WWC2: variants seen among roughly 807,000 people sequenced by gnomAD.
The protein encoded by WWC2 is WW and C2 domain containing 2.
A neutral mutation model predicts 138.5 loss-of-function variants in WWC2; 101 were observed. The observed-to-expected ratio is 0.73, with a 90% CI of 0.62 to 0.86. WWC2 has a LOEUF of 0.86. Ranked by LOEUF, WWC2 falls within the 40% of genes least tolerant of loss-of-function variation. The probability of loss-of-function intolerance (pLI) is 0.00; values close to 1 mark genes in which losing one functional copy is unlikely to be tolerated. For missense variants in WWC2, 1,420 were observed against 1,419.4 expected, an observed-to-expected ratio of 1.00 and a Z score of -0.01; for synonymous variants, 558 against 538.4, an observed-to-expected ratio of 1.04 and a Z score of -0.50.
chr4:183,317,532 G>A lies in WWC2; in HGVS notation c.*1803G>A, dbSNP rs992843877. 7 of 152,598 alleles carry A rather than the reference G, an allele frequency of 4.6e-5. No homozygotes were observed. The highest frequency in any genetic ancestry group is 1.0e-4 in the Non-Finnish European group (7 of 68,012). The allele number at this position is 152,598 out of a possible 1,614,324, so 9.5% of individuals were successfully genotyped here. On this transcript the variant is annotated 3_prime_UTR_variant, in exon 23 of 23. Coordinates refer to ENST00000403733, the MANE Select transcript of WWC2 (RefSeq NM_024949.6). ...TTGTCAAGGTCAAATGTGAAAGACA[G>A]AAGTTTATTTAATGTAGAGGTAAAT...
At chr4:183,117,961 C>T (rs910270444) in intron 1 of WWC2, among the ~76,000 whole-genome samples, 9 of 138,670 alleles carry the variant, frequency 6.5e-5, no homozygotes, top group Admixed American at 2.9e-4. Context: ...CCACCATGCT[C>T]GGCTAATTTT....
At chr4:183,301,142 A>G (rs1354880345) in intron 21 of WWC2, among the ~76,000 whole-genome samples, 2 of 152,170 alleles carry the variant, frequency 1.3e-5, no homozygotes, top group Non-Finnish European at 2.9e-5. Context: ...AATTTTTAGT[A>G]TATTTACTAA....
At chr4:183,113,563 T>G (rs1732319078) in intron 1 of WWC2, among the ~76,000 whole-genome samples, 1 of 151,480 alleles carries the variant, frequency 6.6e-6, no homozygotes, top group African/African-American at 2.4e-5. Context: ...ATGATCTTAC[T>G]CATTTTTGTT....
chr4:183,247,652 A>ATACTATATATACTATATATACTATG, intron 6 of WWC2, among the ~76,000 whole-genome samples: 1 of 140,738 alleles, frequency 7.1e-6, no homozygotes, highest in East Asian at 2.0e-4. Flanking sequence ...TATATACTAT[A>ATACTATATATACTATATATACTATG]TACTATATAT....
At chr4:183,181,899 TA>T (rs1734643702) in intron 1 of WWC2, among the ~76,000 whole-genome samples, 3 of 152,230 alleles carry the variant, frequency 2.0e-5, no homozygotes, top group Admixed American at 6.5e-5. Flanking sequence ...TTATTTTCTG[TA>T]TTCTTCATAA....
chr4:183,209,413 A>G (rs997984788), intron 4 of WWC2, among the ~76,000 whole-genome samples: 3 of 152,144 alleles, frequency 2.0e-5, no homozygotes, highest in Non-Finnish European at 2.9e-5. Context: ...TTTTTAGTAG[A>G]GATGGGGTTT....
At chr4:183,212,049 C>T (rs1470951275) in intron 4 of WWC2, among the ~76,000 whole-genome samples, 2 of 152,088 alleles carry the variant, frequency 1.3e-5, no homozygotes, top group African/African-American at 4.8e-5. Flanking sequence ...TTTCGAACAC[C>T]TGACCTCATA....
rs746068095 is a variant in WWC2 at position 183,260,951 on chromosome 4, T to A, written c.1328T>A (p.Leu443Gln). ...STLSMSSGSS[L>Q]GSLASSRGSL... Reference sequence around the variant, plus strand: ...CTGTCCATGTCATCTGGGAGCAGCCTGGGTTCCCTGGCATCGAGTCGGGGC... The same window carrying A: ...CTGTCCATGTCATCTGGGAGCAGCCAGGGTTCCCTGGCATCGAGTCGGGGC... The change falls in exon 11 of 23, where the codon CTG (leucine) becomes CAG (glutamine). Residue 443 changes from leucine to glutamine, a missense_variant. Transcript: ENST00000403733. 6.2e-7 allele frequency: 1 copy of A among 1,613,908 alleles called. No individual in the cohort carries two copies. Among genetic ancestry groups the A allele is most frequent in the Admixed American group, 1.7e-5 (1 of 60,022 alleles).
In WWC2 at chr4:183,265,688, A is replaced by G. The variant is rs1737477965; in HGVS notation, c.2040A>G (p.Gln680=). 1.9e-6 allele frequency: 3 copies of G among 1,609,090 alleles called. No homozygotes were observed. The highest frequency in any genetic ancestry group is 2.5e-6 in the Non-Finnish European group (3 of 1,177,712). The part of the protein sequence containing the change: ...DSGVYEAFVK[Q]PSEMEDVTYS... ...GTTCATCTACTCCCTGTCCATATAG[A>G]CCTAGTGAAATGGAAGATGTCACAT... The change falls in exon 13 of 23, where the codon CAA becomes CAG. Residue 680 remains glutamine (Q), a splice_region_variant and synonymous_variant. Coordinates refer to ENST00000403733, the MANE Select transcript of WWC2 (RefSeq NM_024949.6).
At position 183,282,646 on chromosome 4, in the gene WWC2, A is replaced by T. The variant is rs576327961; in HGVS notation, c.2685-62A>T. 8.2e-6 allele frequency: 12 copies of T among 1,467,396 alleles called. No individual in the cohort carries two copies. The South Asian group carries it at 9.7e-5, about 12-fold the overall frequency. 90.9% of individuals were successfully genotyped at this position (1,467,396 alleles called of 1,614,324 possible). On this transcript the variant is annotated intron_variant, in intron 17 of 22. Coordinates refer to ENST00000403733, the MANE Select transcript of WWC2 (RefSeq NM_024949.6). ...TCCCAGATAACAACTTAGCATGCCC[A>T]GGTTGCGTGTTCATGGAGCATGCCT...
chr4:183,139,044 G>T (rs1351052998), intron 1 of WWC2, among the ~76,000 whole-genome samples: 1 of 152,164 alleles, frequency 6.6e-6, no homozygotes, highest in African/African-American at 2.4e-5. Context: ...GTCGATTGTA[G>T]TGGAGGTTTG....
intron 1 of WWC2, among the ~76,000 whole-genome samples, chr4:183,189,264 G>A (rs976293717): frequency 2.0e-5 from 3 of 151,368 alleles, no homozygotes; most frequent in Admixed American, 6.6e-5. Flanking sequence ...GTGAAACCCC[G>A]TCTCTACTAA....
intron 4 of WWC2, among the ~76,000 whole-genome samples, chr4:183,236,988 A>C (rs1736446572): frequency 6.6e-6 from 1 of 152,168 alleles, no homozygotes; most frequent in African/African-American, 2.4e-5. Flanking sequence ...GCCACATTTA[A>C]AGAAGAATTG....
chr4:183,192,809 T>A (rs1735026026), intron 1 of WWC2, among the ~76,000 whole-genome samples: 1 of 151,944 alleles, frequency 6.6e-6, no homozygotes, highest in South Asian at 2.1e-4. Flanking sequence ...CCATGGCCGC[T>A]CCAGTAGCCA....
chr4:183,142,656 G>A (rs1733335865), intron 1 of WWC2, among the ~76,000 whole-genome samples: 1 of 152,200 alleles, frequency 6.6e-6, no homozygotes, highest in Admixed American at 6.5e-5. Flanking sequence ...TTCAAATGGT[G>A]GTTTGGGGAG....
chr4:183,269,188 A>G, intron 15 of WWC2, 25 bp downstream of exon 15: 1 of 1,522,016 alleles, frequency 6.6e-7, no homozygotes, highest in Non-Finnish European at 8.8e-7. Flanking sequence ...AATTCCCATT[A>G]CCAAATAGCA....
At chr4:183,116,014 GTA>G (rs1455890911) in intron 1 of WWC2, among the ~76,000 whole-genome samples, 1 of 152,110 alleles carries the variant, frequency 6.6e-6, no homozygotes, top group South Asian at 2.1e-4. Flanking sequence ...GTTGACTTTT[GTA>G]TATGGTGTAG....
intron 2 of WWC2, among the ~76,000 whole-genome samples, chr4:183,202,303 A>G (rs1435865685): frequency 2.0e-5 from 3 of 152,170 alleles, no homozygotes; most frequent in African/African-American, 7.2e-5. Flanking sequence ...GGATGGGCTC[A>G]TGGGAGTCAT....
At chr4:183,154,133 A>T (rs1733730010) in intron 1 of WWC2, among the ~76,000 whole-genome samples, 1 of 150,794 alleles carries the variant, frequency 6.6e-6, no homozygotes, top group African/African-American at 2.4e-5. Context: ...AGCATAACTT[A>T]TTTGATCTTT....
Sources: gnomAD v4.1 joint callset for allele counts (sites outside exome capture counted in the v4.1 genomes callset) on GRCh38, gnomAD v4.1.1 for gene constraint, MANE v1.5 for transcripts, NCBI Gene and HGNC (gene_info 2026-07-23, HGNC 2026-07-21) for gene names.